Variants in ENO4 observed in about 807,000 individuals in gnomAD.
ENO4 encodes enolase 4, also known as 2-phospho-D-glycerate hydro-lyase.
In ENO4, 53 loss-of-function variants were observed where a neutral mutation model predicts 63.2. The observed-to-expected ratio is 0.84, with a 90% CI of 0.67 to 1.05. ENO4 has a LOEUF of 1.05. Ranked by LOEUF, ENO4 falls within the 50% of genes least tolerant of loss-of-function variation. The probability of loss-of-function intolerance (pLI) is 0.00; values close to 1 mark genes in which losing one functional copy is unlikely to be tolerated. For missense variants in ENO4, 719 were observed against 772.0 expected, an observed-to-expected ratio of 0.93 and a Z score of 0.81; for synonymous variants, 266 against 283.8, an observed-to-expected ratio of 0.94 and a Z score of 0.63.
chr10:116,882,873 T>C (rs963172652), downstream of ENO4: 24 of 152,206 alleles, frequency 1.6e-4, no homozygotes, highest in African/African-American at 5.8e-4. Flanking sequence ...CCTCTCCTGA[T>C]GCTTAGCAAC....
At position 116,861,073 on chromosome 10, in the gene ENO4, GCTAT is replaced by G; in HGVS notation, c.824_827del (p.Ser275CysfsTer4). On this transcript the variant is annotated frameshift_variant, in exon 6 of 14. Coordinates refer to ENST00000341276, the MANE Select transcript of ENO4 (RefSeq NM_001242699.2). LOFTEE classifies it high-confidence loss of function. ...CCCTATTTCAGGAACAGCCAACAAC[GCTAT>G]CTATGCCTTTGCTGATGGTATCGCT... is the stretch of plus-strand genomic sequence containing the variant. 6.5e-7 allele frequency: 1 copy of G among 1,548,812 alleles called. No individual in the cohort carries two copies.
rs1564845446 is a variant in ENO4 at position 116,859,085 on chromosome 10, T to TAAC, written c.582_583insACA (p.Val194_Pro195insThr). ...ACAGTGCCTACACCTCTACCTCCAGTACCACCACCACCACCCCCTCCACCT... is the reference window on the plus strand; with the variant it reads ...ACAGTGCCTACACCTCTACCTCCAGTAACACCACCACCACCACCCCCTCCACCT... On this transcript the variant is annotated inframe_insertion, in exon 4 of 14. Coordinates refer to ENST00000341276, the MANE Select transcript of ENO4 (RefSeq NM_001242699.2). 6.5e-7 allele frequency: 1 copy of TAAC among 1,533,172 alleles called. No homozygotes were observed. The highest frequency in any genetic ancestry group is 8.7e-7 in the Non-Finnish European group (1 of 1,144,960). 95.0% of individuals were successfully genotyped at this position (1,533,172 alleles called of 1,614,324 possible).
chr10:116,863,661 A>G (rs1846477386), intron 7 of ENO4, among the ~76,000 whole-genome samples: 1 of 152,230 alleles, frequency 6.6e-6, no homozygotes, highest in African/African-American at 2.4e-5. Flanking sequence ...GGGCTGGGAT[A>G]CAATAGCAGT....
At chr10:116,895,110 T>G (rs1172520623) in intron 10 of ENO4, among the ~76,000 whole-genome samples, 1 of 152,222 alleles carries the variant, frequency 6.6e-6, no homozygotes, top group African/African-American at 2.4e-5. Flanking sequence ...ATTTGGTGCT[T>G]TAGAATGTAT....
chr10:116,883,934 AT>A (rs1255905145), downstream of ENO4: 2 of 191,004 alleles, frequency 1.0e-5, no homozygotes, highest in African/African-American at 2.4e-5. Context: ...AAAAAGAGAC[AT>A]TTTCTTTTTC....
intron 12 of ENO4, among the ~76,000 whole-genome samples, chr10:116,879,631 C>T (rs2531691): frequency 0.96 from 146,099 of 152,274 alleles, 70,388 homozygotes; most frequent in East Asian, 1. Context: ...AACGTTCTTA[C>T]ATAAAATCAG....
At chr10:116,901,143 C>T in intron 10 of ENO4, 3 of 985,348 alleles carry the variant, frequency 3.0e-6, no homozygotes, top group Non-Finnish European at 3.6e-6. Context: ...TAAAGCAAAA[C>T]TGTAGACTAA....
chr10:116,879,381 C>T, intron 12 of ENO4, 23 bp downstream of exon 12: 1 of 1,502,148 alleles, frequency 6.7e-7, no homozygotes, highest in Non-Finnish European at 9.0e-7. Context: ...TGCTGGTCAA[C>T]TGCCAAACAC....
At chr10:116,886,920 G>GC (rs1307510273), downstream of ENO4, among the ~76,000 whole-genome samples, 1 of 143,430 alleles carries the variant, frequency 7.0e-6, no homozygotes, top group African/African-American at 2.5e-5. Flanking sequence ...ACCCCCACCC[G>GC]CCCTCACTTA....
chr10:116,901,839 C>T (rs371326209), intron 10 of ENO4: 36 of 1,604,510 alleles, frequency 2.2e-5, no homozygotes, highest in Admixed American at 3.5e-5. Flanking sequence ...TTGGGGGGGA[C>T]GGGCTGTTGA....
intron 3 of ENO4, among the ~76,000 whole-genome samples, chr10:116,858,132 A>T (rs1846318820): frequency 6.6e-6 from 1 of 152,028 alleles, no homozygotes; most frequent in African/African-American, 2.4e-5. Context: ...ACCCATCTGG[A>T]CTGGTTCTTC....
intron 11 of ENO4, among the ~76,000 whole-genome samples, 175 bp downstream of exon 11, chr10:116,876,435 T>C (rs1337166426): frequency 6.6e-6 from 1 of 152,228 alleles, no homozygotes; most frequent in Non-Finnish European, 1.5e-5. Context: ...ACTGACTCCC[T>C]TCACTACGTT....
At chr10:116,895,639 A>C (rs1226946806) in intron 10 of ENO4, among the ~76,000 whole-genome samples, 3 of 152,198 alleles carry the variant, frequency 2.0e-5, no homozygotes, top group Non-Finnish European at 4.4e-5. Context: ...ACTTAACTGC[A>C]GAATCATTAC....
Position 116,874,118 on chromosome 10 carries a change from G to T in ENO4, c.1258G>T (p.Ala420Ser). 1 of 1,549,886 alleles carries T rather than the reference G, an allele frequency of 6.5e-7. No homozygotes were observed. The highest frequency in any genetic ancestry group is 8.7e-7 in the Non-Finnish European group (1 of 1,146,232). The change falls in exon 10 of 14, where the codon GCA (alanine) becomes TCA (serine). Residue 420 changes from alanine to serine, a missense_variant. By Grantham distance (99) the Ala-to-Ser change is moderately conservative (BLOSUM62 1). Transcript: ENST00000341276. ...AGTGATCATGGGCACATACAAAAAT[G>T]CAGCGGAGATGGTTGACCTGTATGT... ...YEVIMGTYKNAAEMVDLYVDL... is the reference protein window; with the variant it reads ...YEVIMGTYKNSAEMVDLYVDL...
chr10:116,854,773 T>C (rs537270502), intron 1 of ENO4, among the ~76,000 whole-genome samples: 1 of 150,890 alleles, frequency 6.6e-6, no homozygotes, highest in Non-Finnish European at 1.5e-5. Context: ...TAAGATCCTG[T>C]ATCTACAAAA....
chr10:116,875,931 G>C, intron 10 of ENO4, 134 bp from the exon 11 acceptor site: 1 of 613,380 alleles, frequency 1.6e-6, no homozygotes, highest in Admixed American at 3.8e-5. Context: ...GGTCATTCAG[G>C]AACAGAAGTA....
intron 1 of ENO4, chr10:116,850,068 C>A: frequency 2.1e-6 from 1 of 471,666 alleles, no homozygotes; most frequent in Admixed American, 3.5e-5. Context: ...CCATGCTTGC[C>A]AATTGTCATT....
At chr10:116,875,588 T>G (rs9421252) in intron 10 of ENO4, among the ~76,000 whole-genome samples, 2 of 49,544 alleles carry the variant, frequency 4.0e-5, no homozygotes, top group South Asian at 6.9e-4. Flanking sequence ...CACACACACA[T>G]GCACATGTAT....
At chr10:116,857,256 C>CT (rs1403537429) in intron 3 of ENO4, among the ~76,000 whole-genome samples, 4 of 152,154 alleles carry the variant, frequency 2.6e-5, no homozygotes, top group Non-Finnish European at 5.9e-5. Flanking sequence ...CTCAGAAAAA[C>CT]AATCCGATTA....
Sources: gnomAD v4.1 joint callset for allele counts (sites outside exome capture counted in the v4.1 genomes callset) on GRCh38, gnomAD v4.1.1 for gene constraint, MANE v1.5 for transcripts, NCBI Gene and HGNC (gene_info 2026-07-23, HGNC 2026-07-21) for gene names.